The following FSIP1 variants were observed in gnomAD, a reference collection of about 807,000 sequenced individuals.
FSIP1 encodes fibrous sheath interacting protein 1, also known as fibrous sheath-interacting protein 1.
In FSIP1, 65 loss-of-function variants were observed where a neutral mutation model predicts 60.9. The ratio of observed to expected loss-of-function variants is 1.07; its 90% CI spans 0.87 to 1.31. FSIP1 has a LOEUF of 1.31. FSIP1 is among the 40% of genes most tolerant of loss of function. The pLI is 0.00. For missense variants in FSIP1, 675 were observed against 665.5 expected (o/e 1.01, Z -0.16); for synonymous variants, 209 against 221.2 (o/e 0.94, Z 0.49).
At chr15:39,639,780 G>A (rs1402547554) in intron 10 of FSIP1, among the ~76,000 whole-genome samples, 3 of 152,134 alleles carry the variant, frequency 2.0e-5, no homozygotes, top group African/African-American at 4.8e-5. Context: ...CAACAGGGAA[G>A]AACGGGGACT....
At chr15:39,641,515 T>C (rs1222426156) in intron 10 of FSIP1, among the ~76,000 whole-genome samples, 2 of 152,220 alleles carry the variant, frequency 1.3e-5, no homozygotes, top group African/African-American at 4.8e-5. Context: ...TTAACAGGGT[T>C]TATGGTATTT....
intron 10 of FSIP1, among the ~76,000 whole-genome samples, chr15:39,681,710 T>G (rs1053928979): frequency 1.4e-4 from 21 of 151,890 alleles, no homozygotes; most frequent in African/African-American, 4.8e-4. Context: ...GTGAAAGAAA[T>G]AAGATGAAAA....
intron 10 of FSIP1, among the ~76,000 whole-genome samples, chr15:39,647,917 C>T (rs1892688383): frequency 6.6e-6 from 1 of 151,772 alleles, no homozygotes. Context: ...CTACGCTTTG[C>T]CCTTTAATCA....
chr15:39,734,105 A>G (rs1291385065), intron 8 of FSIP1, among the ~76,000 whole-genome samples: 1 of 152,224 alleles, frequency 6.6e-6, no homozygotes, highest in East Asian at 1.9e-4. Context: ...ACACACAAAT[A>G]TAATCTGATA....
At chr15:39,609,059 G>A (rs1890928033) in intron 11 of FSIP1, among the ~76,000 whole-genome samples, 1 of 152,142 alleles carries the variant, frequency 6.6e-6, no homozygotes, top group South Asian at 2.1e-4. Context: ...CTGGGACCCT[G>A]AGCAGGAAGC....
intron 11 of FSIP1, among the ~76,000 whole-genome samples, chr15:39,604,455 TAGAGAA>T (rs1890752477): frequency 6.6e-6 from 1 of 152,156 alleles, no homozygotes; most frequent in Admixed American, 6.5e-5. Flanking sequence ...GCTAAAATGA[TAGAGAA>T]AATGATCAAC....
chr15:39,731,410 A>G (rs1012648630), intron 8 of FSIP1, among the ~76,000 whole-genome samples: 1 of 152,206 alleles, frequency 6.6e-6, no homozygotes, highest in African/African-American at 2.4e-5. Flanking sequence ...TATAGCCTAA[A>G]TGATAAAAAA....
intron 2 of FSIP1, among the ~76,000 whole-genome samples, chr15:39,775,493 GA>G (rs35283109): frequency 0.27 from 40,877 of 150,918 alleles, 6,696 homozygotes; most frequent in Non-Finnish European, 0.38. Context: ...ATATTTTAAG[GA>G]AAAAAAAGGG....
At chr15:39,710,696 T>C (rs1248181743) in intron 10 of FSIP1, among the ~76,000 whole-genome samples, 1 of 152,234 alleles carries the variant, frequency 6.6e-6, no homozygotes, top group African/African-American at 2.4e-5. Context: ...AGTTATTAAA[T>C]GTTAACCATT....
chr15:39,716,812 C>CTTTT (rs72106293), intron 9 of FSIP1, among the ~76,000 whole-genome samples: 2,148 of 109,984 alleles, frequency 0.02, 73 homozygotes, highest in Non-Finnish European at 0.028. Flanking sequence ...CAGGCCATGT[C>CTTTT]TTTTTTTTTT....
intron 10 of FSIP1, among the ~76,000 whole-genome samples, chr15:39,676,869 T>C (rs923417505): frequency 9.8e-5 from 15 of 152,360 alleles, no homozygotes; most frequent in African/African-American, 3.6e-4. Flanking sequence ...ACATGACTTA[T>C]CCACACTGAT....
chr15:39,780,329 C>G (rs572348035), intron 1 of FSIP1, among the ~76,000 whole-genome samples: 1 of 152,100 alleles, frequency 6.6e-6, no homozygotes. Context: ...TCAAGAACAC[C>G]CTGGCTAACA....
chr15:39,726,459 C>A, intron 9 of FSIP1, 130 bp downstream of exon 9: 1 of 853,406 alleles, frequency 1.2e-6, no homozygotes, highest in Non-Finnish European at 1.8e-6. Flanking sequence ...TGGAAGTAAC[C>A]AAAGGAATAT....
intron 10 of FSIP1, among the ~76,000 whole-genome samples, chr15:39,659,930 C>A (rs1387578363): frequency 6.6e-6 from 1 of 152,118 alleles, no homozygotes. Flanking sequence ...TCTCTAAGTC[C>A]AAGGATCATT....
At chr15:39,708,200 G>A (rs1482950272) in intron 10 of FSIP1, among the ~76,000 whole-genome samples, 1 of 152,152 alleles carries the variant, frequency 6.6e-6, no homozygotes, top group Non-Finnish European at 1.5e-5. Context: ...GCAAGCTGCA[G>A]GTGGCTCAGC....
chr15:39,668,727 C>T (rs757357409), intron 10 of FSIP1, among the ~76,000 whole-genome samples: 1 of 152,178 alleles, frequency 6.6e-6, no homozygotes, highest in East Asian at 1.9e-4. Flanking sequence ...GGAATCTAAA[C>T]CCAGCCTTTC....
intron 9 of FSIP1, among the ~76,000 whole-genome samples, chr15:39,721,941 G>T (rs1007307254): frequency 6.6e-6 from 1 of 152,170 alleles, no homozygotes; most frequent in Non-Finnish European, 1.5e-5. Context: ...CCATCTGGGA[G>T]CTTAATTTGT....
At chr15:39,705,997 C>CAA (rs35710055) in intron 10 of FSIP1, among the ~76,000 whole-genome samples, 1 of 115,420 alleles carries the variant, frequency 8.7e-6, no homozygotes, top group South Asian at 3.0e-4. Flanking sequence ...GACTCGGTCT[C>CAA]AAAAAAAAAA....
intron 11 of FSIP1, among the ~76,000 whole-genome samples, chr15:39,602,166 C>A (rs1451909918): frequency 1.3e-5 from 2 of 151,906 alleles, no homozygotes; most frequent in Non-Finnish European, 2.9e-5. Flanking sequence ...TCTGGGTGGG[C>A]CCTATATTCA....
Sources: allele counts gnomAD v4.1 joint callset (sites outside exome capture counted in the v4.1 genomes callset), GRCh38; gene constraint gnomAD v4.1.1; transcripts MANE v1.5; gene names NCBI Gene and HGNC (gene_info 2026-07-23, HGNC 2026-07-21).